ARHGAP10: variants seen among roughly 807,000 people sequenced by gnomAD.
ARHGAP10 encodes the protein rho GTPase-activating protein 10.
In ARHGAP10, 87 loss-of-function variants were observed where a neutral mutation model predicts 108.6. The ratio of observed to expected loss-of-function variants is 0.80; its 90% confidence interval spans 0.67 to 0.96. The LOEUF (loss-of-function observed/expected upper bound fraction) is 0.96, where lower values mean the gene tolerates loss of function less well. ARHGAP10 is among the 40% of genes least tolerant of loss of function. The pLI is 0.00. For missense variants in ARHGAP10, 939 were observed against 954.5 expected, an observed-to-expected ratio of 0.98 and a Z score of 0.21; for synonymous variants, 347 against 341.1, an observed-to-expected ratio of 1.02 and a Z score of -0.19.
At chr4:147,845,694 TA>T (rs1387114745) in intron 3 of ARHGAP10, among the ~76,000 whole-genome samples, 1 of 152,198 alleles carries the variant, frequency 6.6e-6, no homozygotes, top group Non-Finnish European at 1.5e-5. Context: ...TATGGAGGTT[TA>T]TTTGGGATCA....
intron 1 of ARHGAP10, among the ~76,000 whole-genome samples, chr4:147,752,323 A>T (rs1048554673): frequency 6.6e-6 from 1 of 152,214 alleles, no homozygotes; most frequent in African/African-American, 2.4e-5. Context: ...AAAATTTTCT[A>T]TCAAGTGATA....
At chr4:147,854,142 AG>A (rs1733993236) in intron 4 of ARHGAP10, among the ~76,000 whole-genome samples, 1 of 152,188 alleles carries the variant, frequency 6.6e-6, no homozygotes, top group Non-Finnish European at 1.5e-5. Flanking sequence ...CTTTTAAAAA[AG>A]GTTTTGCATG....
intron 1 of ARHGAP10, among the ~76,000 whole-genome samples, chr4:147,784,702 A>ATATATAT (rs1391961655): frequency 8.9e-5 from 8 of 89,676 alleles, no homozygotes; most frequent in African/African-American, 3.5e-4. Context: ...ATATTATAAA[A>ATATATAT]TATATATTAT....
At chr4:147,989,500 T>TG (rs1740183039) in intron 18 of ARHGAP10, among the ~76,000 whole-genome samples, 1 of 151,958 alleles carries the variant, frequency 6.6e-6, no homozygotes, top group South Asian at 2.1e-4. Context: ...AGGTACGCCC[T>TG]GGGGGGACCA....
At chr4:147,798,207 T>G (rs1199436995) in intron 1 of ARHGAP10, among the ~76,000 whole-genome samples, 2 of 152,172 alleles carry the variant, frequency 1.3e-5, no homozygotes, top group East Asian at 3.8e-4. Context: ...GACCGTTTGT[T>G]GTGACCTTCT....
intron 18 of ARHGAP10, among the ~76,000 whole-genome samples, chr4:148,014,155 T>C (rs991368333): frequency 6.6e-6 from 1 of 152,254 alleles, no homozygotes; most frequent in Non-Finnish European, 1.5e-5. Flanking sequence ...ATTTTATTAA[T>C]GTTAGTCTAG....
rs776665371 is a variant in ARHGAP10 at position 147,913,143 on chromosome 4, A to G, written c.1228+4A>G. On this transcript the variant is annotated splice_donor_region_variant and intron_variant, in intron 13 of 22. Transcript: ENST00000336498. ...ATCAGTGCCGTTGAAACACGAGGTA[A>G]TATGATTGAATCATTTCATTCATGA... is the stretch of plus-strand genomic sequence containing the variant. 3.7e-6 allele frequency: 6 copies of G among 1,612,284 alleles called. No homozygotes were observed. Among genetic ancestry groups the G allele is most frequent in the Non-Finnish European group, 8.5e-7 (1 of 1,178,392 alleles).
intron 20 of ARHGAP10, among the ~76,000 whole-genome samples, chr4:148,050,365 C>CTTTTTTTTTTTTT (rs11309245): frequency 1.7e-5 from 1 of 59,300 alleles, no homozygotes; most frequent in Admixed American, 2.4e-4. Context: ...TCATCATCAT[C>CTTTTTTTTTTTTT]TTTTTTTTTT....
Position 147,879,234 on chromosome 4 carries a change from C to T in ARHGAP10, c.835C>T (p.Pro279Ser), listed in dbSNP as rs1735225856. ...EGYLYVQEKR[P>S]APFGSSWVKH... ...AAAGGGCTGTTTTTTTGTTGAAGGG[C>T]CTGCTCCGTTTGGTTCCAGTTGGGT... Residue 279 changes from proline (P) to serine (S), a missense_variant and splice_region_variant, in exon 9 of 23, where the codon CCT (proline) becomes TCT (serine). By Grantham distance (74) the Pro-to-Ser change is moderately conservative (BLOSUM62 -1). Coordinates refer to ENST00000336498, the MANE Select transcript of ARHGAP10 (RefSeq NM_024605.4). The T allele has an allele frequency of 6.2e-7, 1 of 1,611,248 alleles. No homozygotes were observed. The highest frequency in any genetic ancestry group is 8.5e-7 in the Non-Finnish European group (1 of 1,179,136).
chr4:147,893,068 T>A (rs1735849410), intron 10 of ARHGAP10, among the ~76,000 whole-genome samples: 1 of 152,136 alleles, frequency 6.6e-6, no homozygotes, highest in Non-Finnish European at 1.5e-5. Flanking sequence ...AGTAAATTTT[T>A]TTTTTTTTGA....
chr4:147,880,201 AT>A (rs1189790623), intron 9 of ARHGAP10, among the ~76,000 whole-genome samples: 1 of 152,244 alleles, frequency 6.6e-6, no homozygotes, highest in African/African-American at 2.4e-5. Context: ...GTTGAACATA[AT>A]TGATAACACA....
At chr4:147,983,347 A>G (rs965554304) in intron 18 of ARHGAP10, among the ~76,000 whole-genome samples, 3 of 151,194 alleles carry the variant, frequency 2.0e-5, no homozygotes, top group South Asian at 2.1e-4. Context: ...CACCACGCCC[A>G]GCTAATTTTT....
chr4:147,856,770 A>T (rs567526298), intron 4 of ARHGAP10, among the ~76,000 whole-genome samples: 1 of 152,316 alleles, frequency 6.6e-6, no homozygotes, highest in South Asian at 2.1e-4. Flanking sequence ...CTGTATTCAT[A>T]CTGGACCATT....
At chr4:148,054,771 T>C (rs201570264) in intron 20 of ARHGAP10, among the ~76,000 whole-genome samples, 4 of 152,158 alleles carry the variant, frequency 2.6e-5, no homozygotes, top group African/African-American at 9.7e-5. Context: ...CCAACCACAT[T>C]TATAACTTAT....
At chr4:148,048,858 T>C (rs1481959999) in intron 20 of ARHGAP10, among the ~76,000 whole-genome samples, 1 of 152,058 alleles carries the variant, frequency 6.6e-6, no homozygotes, top group Non-Finnish European at 1.5e-5. Flanking sequence ...TTCCCCAGCT[T>C]CCTATTCATA....
chr4:147,831,010 T>C (rs1177797534), intron 3 of ARHGAP10, among the ~76,000 whole-genome samples: 1 of 152,234 alleles, frequency 6.6e-6, no homozygotes, highest in East Asian at 1.9e-4. Context: ...AGCATCACTT[T>C]AGGAACGTGC....
chr4:147,817,998 T>C (rs1732323170), intron 1 of ARHGAP10, among the ~76,000 whole-genome samples: 1 of 152,156 alleles, frequency 6.6e-6, no homozygotes, highest in Middle Eastern at 3.2e-3. Flanking sequence ...ACGTGAAATC[T>C]CTTGAAAGAT....
chr4:148,023,054 T>C (rs1741628845), intron 18 of ARHGAP10: 1 of 489,600 alleles, frequency 2.0e-6, no homozygotes. Context: ...GTTGTTTTGA[T>C]TTAAATTTAA....
intron 18 of ARHGAP10, among the ~76,000 whole-genome samples, chr4:148,006,121 C>G (rs1740937815): frequency 6.6e-6 from 1 of 152,176 alleles, no homozygotes; most frequent in South Asian, 2.1e-4. Context: ...CACTTCTTTC[C>G]TCCTGGAACG....
Sources: gnomAD v4.1 joint callset for allele counts (sites outside exome capture counted in the v4.1 genomes callset) on GRCh38, gnomAD v4.1.1 for gene constraint, MANE v1.5 for transcripts, NCBI Gene and HGNC (gene_info 2026-07-23, HGNC 2026-07-21) for gene names.